Variants in CMTM8 observed in about 807,000 individuals in gnomAD.
The protein encoded by CMTM8 is CKLF like MARVEL transmembrane domain containing 8, also known as CKLF-like MARVEL transmembrane domain-containing protein 8.
A neutral mutation model predicts 18.6 loss-of-function variants in CMTM8; 12 were observed. The ratio of observed to expected loss-of-function variants is 0.65; its 90% confidence interval spans 0.41 to 1.05. The LOEUF is 1.05. Ranked by LOEUF, CMTM8 falls within the 50% of genes least tolerant of loss-of-function variation. The pLI, the probability that CMTM8 is intolerant of heterozygous loss-of-function variation, is 0.00. For missense variants in CMTM8, 217 were observed against 227.2 expected (o/e 0.95, Z 0.29); for synonymous variants, 87 against 90.6 (o/e 0.96, Z 0.23).
upstream of CMTM8, chr3:32,238,328 G>A (rs1214301763): frequency 2.0e-5 from 3 of 152,418 alleles, no homozygotes; most frequent in South Asian, 4.1e-4. Flanking sequence ...GCCGAGTCCT[G>A]GAGCGGCGGA....
intron 1 of CMTM8, among the ~76,000 whole-genome samples, chr3:32,240,599 T>A (rs2125525214): frequency 6.6e-6 from 1 of 152,276 alleles, no homozygotes; most frequent in East Asian, 1.9e-4. Context: ...TTTCAGGAAA[T>A]ACAAAAGTGA....
intron 1 of CMTM8, among the ~76,000 whole-genome samples, chr3:32,315,478 C>A (rs753609575): frequency 6.6e-6 from 1 of 152,186 alleles, no homozygotes; most frequent in Non-Finnish European, 1.5e-5. Context: ...GACACTGAAC[C>A]ACAAAACGGG....
chr3:32,351,867 A>G (rs1205626635), intron 1 of CMTM8, among the ~76,000 whole-genome samples: 1 of 152,068 alleles, frequency 6.6e-6, no homozygotes, highest in Non-Finnish European at 1.5e-5. Context: ...GTGACTTTTA[A>G]AAATCTATCA....
Position 32,298,554 on chromosome 3 carries a change from A to G in CMTM8, c.148-58819A>G, listed in dbSNP as rs189011720. ...CTTGCTAGATATTTTTCTTATATCCAGCTTCTGCTAATTAAATTGAAACAA... is the reference window on the plus strand; with the variant it reads ...CTTGCTAGATATTTTTCTTATATCCGGCTTCTGCTAATTAAATTGAAACAA... On this transcript the variant is annotated intron_variant, in intron 1 of 3. Transcript: ENST00000307526. Among the ~76,000 whole-genome samples, 250 of 150,054 alleles carry G rather than the reference A, an allele frequency of 1.7e-3. 1 individual carries two copies. Among genetic ancestry groups the G allele is most frequent in the Non-Finnish European group, 1.4e-3 (92 of 67,744 alleles).
chr3:32,247,465 A>G (rs1398458831), intron 1 of CMTM8, among the ~76,000 whole-genome samples: 1 of 152,078 alleles, frequency 6.6e-6, no homozygotes. Flanking sequence ...GGCGTGCGCC[A>G]CCACACCTGG....
At chr3:32,328,305 A>AGGTGGAG (rs1696201356) in intron 1 of CMTM8, among the ~76,000 whole-genome samples, 1 of 136,624 alleles carries the variant, frequency 7.3e-6, no homozygotes, top group Non-Finnish European at 1.5e-5. Context: ...TGAACCCAGG[A>AGGTGGAG]GGTGGAGTGA....
chr3:32,291,586 C>G (rs1396319904), intron 1 of CMTM8, among the ~76,000 whole-genome samples: 1 of 152,170 alleles, frequency 6.6e-6, no homozygotes, highest in African/African-American at 2.4e-5. Context: ...AGCTACATAG[C>G]TAGAAAGTGA....
intron 1 of CMTM8, among the ~76,000 whole-genome samples, chr3:32,287,965 T>C (rs192847101): frequency 8.7e-4 from 133 of 152,304 alleles, no homozygotes; most frequent in Middle Eastern, 3.4e-3. Context: ...GATCCGTTTA[T>C]GGCTTTAAAA....
chr3:32,267,415 G>T (rs574918434), intron 1 of CMTM8, among the ~76,000 whole-genome samples: 21 of 152,180 alleles, frequency 1.4e-4, no homozygotes, highest in South Asian at 2.1e-4. Flanking sequence ...AAGCTGAAAC[G>T]GGACCCCTTC....
At chr3:32,293,552 A>G (rs1037308185) in intron 1 of CMTM8, among the ~76,000 whole-genome samples, 2 of 152,162 alleles carry the variant, frequency 1.3e-5, no homozygotes, top group South Asian at 4.1e-4. Flanking sequence ...ACTCTGTCTC[A>G]AGAAATAAAT....
At chr3:32,249,338 G>A (rs955240198) in intron 1 of CMTM8, among the ~76,000 whole-genome samples, 2 of 151,802 alleles carry the variant, frequency 1.3e-5, no homozygotes, top group Non-Finnish European at 2.9e-5. Context: ...GCTGAAGTGG[G>A]GGGATCACTT....
intron 1 of CMTM8, among the ~76,000 whole-genome samples, chr3:32,304,734 T>C (rs1011539563): frequency 1.3e-5 from 2 of 152,232 alleles, no homozygotes; most frequent in African/African-American, 4.8e-5. Flanking sequence ...TGGTTACATG[T>C]TGGTTTTTCA....
intron 1 of CMTM8, among the ~76,000 whole-genome samples, chr3:32,261,000 T>C (rs1236061443): frequency 1.3e-5 from 2 of 152,062 alleles, no homozygotes; most frequent in Admixed American, 6.6e-5. Context: ...AGTCAGAGGA[T>C]TGCTTGAGGC....
intron 1 of CMTM8, among the ~76,000 whole-genome samples, chr3:32,320,381 G>A (rs556452158): frequency 1.3e-5 from 2 of 152,298 alleles, no homozygotes; most frequent in African/African-American, 4.8e-5. Flanking sequence ...GACACAAAAG[G>A]CCACATCTCG....
At chr3:32,319,155 T>G (rs926945422) in intron 1 of CMTM8, among the ~76,000 whole-genome samples, 1 of 142,076 alleles carries the variant, frequency 7.0e-6, no homozygotes, top group African/African-American at 2.6e-5. Context: ...CTCAGCTCAC[T>G]GCAACCTCTG....
chr3:32,330,091 A>C (rs1241187174), intron 1 of CMTM8, among the ~76,000 whole-genome samples: 1 of 151,970 alleles, frequency 6.6e-6, no homozygotes, highest in Non-Finnish European at 1.5e-5. Context: ...CATAAATAGA[A>C]AGACATTCTA....
intron 1 of CMTM8, among the ~76,000 whole-genome samples, chr3:32,313,566 A>G (rs1364490636): frequency 6.6e-6 from 1 of 152,046 alleles, no homozygotes; most frequent in African/African-American, 2.4e-5. Flanking sequence ...TGGCCTCCCA[A>G]AGTGCTGAGA....
chr3:32,354,291 G>A (rs1329887180), intron 1 of CMTM8, among the ~76,000 whole-genome samples: 1 of 152,174 alleles, frequency 6.6e-6, no homozygotes, highest in Non-Finnish European at 1.5e-5. Flanking sequence ...GTTTTTATCA[G>A]TAGTGGTTAT....
intron 1 of CMTM8, among the ~76,000 whole-genome samples, chr3:32,343,942 C>A (rs1322352038): frequency 1.3e-5 from 2 of 152,212 alleles, no homozygotes; most frequent in Non-Finnish European, 2.9e-5. Flanking sequence ...CTCGAGTGAT[C>A]TGCCCTTCGC....
Sources: allele counts gnomAD v4.1 joint callset (sites outside exome capture counted in the v4.1 genomes callset), GRCh38; gene constraint gnomAD v4.1.1; transcripts MANE v1.5; gene names NCBI Gene and HGNC (gene_info 2026-07-23, HGNC 2026-07-21).